The following TTBK1 variants were observed in gnomAD, a reference collection of about 807,000 sequenced individuals.
TTBK1 encodes the protein tau tubulin kinase 1.
A neutral mutation model predicts 108.5 loss-of-function variants in TTBK1; 34 were observed. The observed-to-expected ratio is 0.31, with a 90% CI of 0.24 to 0.42. TTBK1 has a LOEUF of 0.42. Among genes scored for constraint, TTBK1 ranks in the 10% least tolerant of loss-of-function variants. The probability of loss-of-function intolerance (pLI) is 1.00; values close to 1 mark genes in which losing one functional copy is unlikely to be tolerated. For missense variants in TTBK1, 1,539 were observed against 1,826.0 expected (o/e 0.84, Z 2.86); for synonymous variants, 809 against 795.1 (o/e 1.02, Z -0.29).
At position 43,254,674 on chromosome 6, in the gene TTBK1, G is replaced by A. The variant is rs1281063653; in HGVS notation, c.576+23G>A. On this transcript the variant is annotated intron_variant, in intron 6 of 14. Transcript: ENST00000259750. ...CCCGTGAGTACCGTCGGGGCGGGGA[G>A]GACAGTGGAGGACTCCCCCCTACTC... 8 of 1,519,566 alleles carry A rather than the reference G, an allele frequency of 5.3e-6. No homozygotes were observed. The African/African-American group carries it at 8.4e-5, about 16-fold the overall frequency. 94.1% of individuals were successfully genotyped at this position (1,519,566 alleles called of 1,614,324 possible).
At position 43,283,665 on chromosome 6, in the gene TTBK1, C is replaced by T. The variant is rs1040923524; in HGVS notation, c.2925C>T (p.Ala975=). Residue 975 remains alanine, a synonymous_variant, in exon 14 of 15, where the codon GCC becomes GCT. Coordinates refer to ENST00000259750, the MANE Select transcript of TTBK1 (RefSeq NM_032538.3). The surrounding 1 kb of genome is among the most constrained non-coding windows in gnomAD (Gnocchi z 8.1). ...ASDGGAVEEG[A]RAPLENGLAL... is the part of the protein sequence containing the mutation. ...ATGGGGGCGCTGTGGAGGAGGGGGC[C>T]CGAGCGCCCCTGGAGAACGGCCTCG... 5 of 1,613,914 alleles carry T rather than the reference C, an allele frequency of 3.1e-6. No individual in the cohort carries two copies. Among genetic ancestry groups the T allele is most frequent in the African/African-American group, 1.3e-5 (1 of 75,022 alleles).
chr6:43,260,630 G>A (rs1258314606), intron 12 of TTBK1, among the ~76,000 whole-genome samples: 1 of 152,344 alleles, frequency 6.6e-6, no homozygotes, highest in East Asian at 1.9e-4. Flanking sequence ...GAGAAATGAG[G>A]AAAGGCAGTT....
Position 43,265,886 on chromosome 6 carries a change from G to A in TTBK1, c.1986+2536G>A, listed in dbSNP as rs1040321950. Among the ~76,000 whole-genome samples the A allele has an allele frequency of 7.2e-5, 11 of 152,140 alleles. No individual in the cohort carries two copies. Among genetic ancestry groups the A allele is most frequent in the Non-Finnish European group, 2.9e-5 (2 of 68,028 alleles). On this transcript the variant is annotated intron_variant, in intron 13 of 14. Coordinates refer to ENST00000259750, the MANE Select transcript of TTBK1 (RefSeq NM_032538.3). This position sits in a 1 kb window ranked among gnomAD's most constrained non-coding sequence, Gnocchi z 4.1. ...CAGGTGAGGGAGCTGAGGTTCTTCC[G>A]AGGTTCATCTCTAAAGTTTTTCTTA...
At chr6:43,248,850 G>T (rs1428460726) in intron 2 of TTBK1, among the ~76,000 whole-genome samples, 1 of 152,158 alleles carries the variant, frequency 6.6e-6, no homozygotes, top group Non-Finnish European at 1.5e-5. Flanking sequence ...TATTCATCTT[G>T]AGGGGTGCTT....
intron 8 of TTBK1, 36 bp downstream of exon 8, chr6:43,255,680 G>C: frequency 6.2e-7 from 1 of 1,614,144 alleles, no homozygotes; most frequent in Non-Finnish European, 8.5e-7. Context: ...GGTGGCAGAA[G>C]GAGTGTCAGG....
Position 43,282,793 on chromosome 6 carries a change from T to C in TTBK1, c.2053T>C (p.Tyr685His). 6.2e-7 allele frequency: 1 copy of C among 1,613,958 alleles called. No homozygotes were observed. Among genetic ancestry groups the C allele is most frequent in the Non-Finnish European group, 8.5e-7 (1 of 1,179,966 alleles). ...ACGAGCTGTGCCTCTGAGTCTGCCC[T>C]ACCAGGACTTCAAAAGAGACCTCTC... ...LPRAVPLSLPYQDFKRDLSDY... is the reference protein window; with the variant it reads ...LPRAVPLSLPHQDFKRDLSDY... The change falls in exon 14 of 15, where the codon TAC (tyrosine) becomes CAC (histidine). Residue 685 changes from tyrosine (Y) to histidine (H), a missense_variant. By Grantham distance (83) the Tyr-to-His change is moderately conservative. Transcript: ENST00000259750. The surrounding 1 kb of genome is among the most constrained non-coding windows in gnomAD (Gnocchi z 5.4).
At chr6:43,274,474 G>A (rs1777911875) in intron 13 of TTBK1, among the ~76,000 whole-genome samples, 1 of 152,180 alleles carries the variant, frequency 6.6e-6, no homozygotes, top group Non-Finnish European at 1.5e-5. Flanking sequence ...ATATGGAGTG[G>A]GCAGTGGAGG....
chr6:43,286,115 GTGCTCCCC>G lies in TTBK1; in HGVS notation c.*743_*750del, dbSNP rs1778376154. ...GCAGGTGATTCTGTGGGCAGGGGAT[GTGCTCCCC>G]TGCACCTCTGGGGTGCAGAAACCTC... is the stretch of plus-strand genomic sequence containing the variant. On this transcript the variant is annotated 3_prime_UTR_variant, in exon 15 of 15. Transcript: ENST00000259750. This position sits in a 1 kb window ranked among gnomAD's most constrained non-coding sequence, Gnocchi z 4.6. 6.5e-6 allele frequency: 1 copy of G among 152,742 alleles called. No homozygotes were observed. Among genetic ancestry groups the G allele is most frequent in the Non-Finnish European group, 1.5e-5 (1 of 68,152 alleles). 9.5% of individuals were successfully genotyped at this position (152,742 alleles called of 1,614,324 possible).
At chr6:43,278,569 G>T (rs114229717) in intron 13 of TTBK1, among the ~76,000 whole-genome samples, 1 of 152,198 alleles carries the variant, frequency 6.6e-6, no homozygotes, top group South Asian at 2.1e-4. Context: ...GTTGTGCCAA[G>T]CCAGGCCTGG....
In TTBK1 at chr6:43,246,747, G is replaced by A. The variant is rs1474464315; in HGVS notation, c.87G>A (p.Val29=). The change falls in exon 2 of 15, where the codon GTG becomes GTA. Residue 29 remains valine (V), a synonymous_variant. Coordinates refer to ENST00000259750, the MANE Select transcript of TTBK1 (RefSeq NM_032538.3). ...CCGACATCCTGCCGGCCAACTACGT[G>A]GTCAAGGATCGCTGGAAGGTGGTGA... ...EQADILPANY[V]VKDRWKVLKK... is the part of the protein sequence containing the mutation. The A allele has an allele frequency of 3.7e-6, 6 of 1,612,016 alleles. No homozygotes were observed. In the South Asian group the frequency reaches 6.6e-5, roughly 18 times the overall value.
At chr6:43,256,209 C>G (rs1245508333) in intron 9 of TTBK1, among the ~76,000 whole-genome samples, 2 of 151,024 alleles carry the variant, frequency 1.3e-5, no homozygotes, top group Non-Finnish European at 2.9e-5. Flanking sequence ...GATCTCTGTT[C>G]ACTGCAACCT....
intron 13 of TTBK1, chr6:43,272,716 A>C (rs931822685): frequency 1.0e-6 from 1 of 982,758 alleles, no homozygotes. Context: ...GATTAAGTTC[A>C]TGTGAAGCTC....
chr6:43,255,474 C>A, intron 7 of TTBK1, 78 bp from the exon 8 acceptor site: 1 of 1,325,556 alleles, frequency 7.5e-7, no homozygotes, highest in Non-Finnish European at 1.1e-6. Flanking sequence ...CTGACAGATG[C>A]CCCTCAGAGA....
chr6:43,262,750 G>A (rs1374371350), intron 12 of TTBK1, 39 bp from the exon 13 acceptor site: 1 of 1,488,182 alleles, frequency 6.7e-7, no homozygotes, highest in Admixed American at 2.3e-5. Flanking sequence ...GGGGTCCAGT[G>A]GGGCCAGGTA....
chr6:43,262,825 G>A lies in TTBK1; in HGVS notation c.1461G>A (p.Gln487=). The change falls in exon 13 of 15, where the codon CAG becomes CAA. Residue 487 remains glutamine (Q), a synonymous_variant. Coordinates refer to ENST00000259750, the MANE Select transcript of TTBK1 (RefSeq NM_032538.3). ...ATCTGCCTGGCTCGCCCTCGCGCCA[G>A]GCCTGCTCCTCTCAGCCAGCCCAGA... The part of the protein sequence containing the change: ...RMDLPGSPSR[Q]ACSSQPAQML... 6.3e-7 allele frequency: 1 copy of A among 1,596,504 alleles called. No homozygotes were observed. Among genetic ancestry groups the A allele is most frequent in the Non-Finnish European group, 8.6e-7 (1 of 1,169,166 alleles).
rs937817817 is a variant in TTBK1, at chr6:43,254,585, G to A, written c.510G>A (p.Arg170=). ...FAMGRLPSTY[R]KCYMLDFGLA... ...TGGGCAGGCTGCCCTCCACCTACAG[G>A]AAGTGCTATATGCTGGACTTCGGGC... Residue 170 remains arginine (R), a synonymous_variant, in exon 6 of 15, where the codon AGG becomes AGA. Coordinates refer to ENST00000259750, the MANE Select transcript of TTBK1 (RefSeq NM_032538.3). The A allele has an allele frequency of 1.3e-6, 2 of 1,583,852 alleles. No homozygotes were observed. The highest frequency in any genetic ancestry group is 1.2e-5 in the South Asian group (1 of 86,712).
At position 43,259,558 on chromosome 6, in the gene TTBK1, C is replaced by G. The variant is rs764516987; in HGVS notation, c.1276C>G (p.Arg426Gly). Reference protein sequence around the residue: ...KSPCVEEEQSRGMGVPSSPVR... With the variant: ...KSPCVEEEQSGGMGVPSSPVR... ...CCCCTGTGTGGAGGAGGAACAGAGC[C>G]GAGGCATGGGGGTCCCCAGCTCCCC... The change falls in exon 12 of 15, where the codon CGA becomes GGA. Residue 426 changes from arginine to glycine, a missense_variant. This residue lies in a region of TTBK1 where 277 missense variants were observed against 332.4 expected (regional missense o/e 0.83). Coordinates refer to ENST00000259750, the MANE Select transcript of TTBK1 (RefSeq NM_032538.3). The surrounding 1 kb of genome is among the most constrained non-coding windows in gnomAD (Gnocchi z 6.7). 6.3e-7 allele frequency: 1 copy of G among 1,599,812 alleles called. No individual in the cohort carries two copies. Among genetic ancestry groups the G allele is most frequent in the Non-Finnish European group, 8.5e-7 (1 of 1,173,434 alleles).
At chr6:43,264,717 G>A (rs1777631972) in intron 13 of TTBK1, among the ~76,000 whole-genome samples, 1 of 152,184 alleles carries the variant, frequency 6.6e-6, no homozygotes, top group Non-Finnish European at 1.5e-5. Context: ...AGGGCAGCAG[G>A]GAGGAGTGGG....
At chr6:43,260,326 G>C (rs1432219459) in intron 12 of TTBK1, among the ~76,000 whole-genome samples, 1 of 152,214 alleles carries the variant, frequency 6.6e-6, no homozygotes, top group Non-Finnish European at 1.5e-5. Flanking sequence ...ATCTGTGCTG[G>C]TGGTGGGTGG....
Sources: allele counts gnomAD v4.1 joint callset (sites outside exome capture counted in the v4.1 genomes callset), GRCh38; gene constraint gnomAD v4.1.1; regional missense constraint gnomAD v4.1.1; non-coding constraint Gnocchi (gnomAD v3.1); transcripts MANE v1.5; gene names NCBI Gene and HGNC (gene_info 2026-07-23, HGNC 2026-07-21).